The following KIF1A variants were observed in gnomAD, a reference collection of about 807,000 sequenced individuals.
KIF1A encodes the protein kinesin-like protein KIF1A.
Under a neutral mutation model 227.3 loss-of-function variants are expected in KIF1A, and 46 were observed. The observed-to-expected ratio is 0.20, with a 90% CI of 0.16 to 0.26. The LOEUF (loss-of-function observed/expected upper bound fraction) is 0.26. Ranked by LOEUF, KIF1A falls within the 10% of genes least tolerant of loss-of-function variation. The pLI, the probability that KIF1A is intolerant of heterozygous loss-of-function variation, is 1.00. For missense variants in KIF1A, 1,683 were observed against 2,485.9 expected (o/e 0.68, Z 6.87); for synonymous variants, 1,022 against 1,012.8 (o/e 1.01, Z -0.17).
rs150076186 is a variant in KIF1A at position 240,750,565 on chromosome 2, C to T, written c.2859-18G>A. On this transcript the variant is annotated intron_variant, in intron 27 of 48. Coordinates refer to ENST00000498729, the MANE Select transcript of KIF1A (RefSeq NM_001244008.2). ...CGAAGGCCCTGGGGAGAAGCAGAGG[C>T]GGCGGTCATGGGCCACCCCTCCACG... 0.017 allele frequency: 27,497 copies of T among 1,585,566 alleles called. 320 individuals are homozygous for T. Among genetic ancestry groups the T allele is most frequent in the Non-Finnish European group, 0.02 (23,135 of 1,155,070 alleles).
In KIF1A at chr2:240,737,171, G is replaced by A. The variant is rs977172346; in HGVS notation, c.3902-3C>T. On this transcript the variant is annotated splice_region_variant and splice_polypyrimidine_tract_variant and intron_variant, in intron 37 of 48. Coordinates refer to ENST00000498729, the MANE Select transcript of KIF1A (RefSeq NM_001244008.2). ...CTCTGGAGTGTTTCGGATGCGGCCT[G>A]CAGAAAAGGCAACGGGCCACAGGTC... The A allele has an allele frequency of 4.3e-6, 7 of 1,612,468 alleles. No individual in the cohort carries two copies. Among genetic ancestry groups the A allele is most frequent in the Non-Finnish European group, 5.9e-6 (7 of 1,178,734 alleles).
chr2:240,771,737 A>T (rs185337701), intron 14 of KIF1A, among the ~76,000 whole-genome samples: 1 of 152,238 alleles, frequency 6.6e-6, no homozygotes, highest in African/African-American at 2.4e-5. Context: ...CTGACATGGA[A>T]ATTGGCCCAG....
intron 29 of KIF1A, among the ~76,000 whole-genome samples, chr2:240,746,512 G>A (rs989597601): frequency 6.6e-6 from 1 of 152,212 alleles, no homozygotes; most frequent in East Asian, 1.9e-4. Context: ...CAGCAGGTTA[G>A]CTCTCTCCCC....
rs2046053012 is a variant in KIF1A, at chr2:240,726,719, A to G, written c.4122+107T>C. On this transcript the variant is annotated intron_variant, in intron 39 of 48. Coordinates refer to ENST00000498729, the MANE Select transcript of KIF1A (RefSeq NM_001244008.2). This position sits in a 1 kb window ranked among gnomAD's most constrained non-coding sequence, Gnocchi z 5.2. ...CACAAATTTAACCCAGGGACTTGAG[A>G]ACTAGAGAAGTCGTCTGGGTCATAT... The G allele has an allele frequency of 1.9e-6, 1 of 536,888 alleles. No individual in the cohort carries two copies. Among genetic ancestry groups the G allele is most frequent in the Admixed American group, 3.2e-5 (1 of 31,026 alleles). The allele number at this position is 536,888 out of a possible 1,614,324, so 33.3% of individuals were successfully genotyped here.
Position 240,726,875 on chromosome 2 carries a change from A to G in KIF1A, c.4073T>C (p.Val1358Ala), listed in dbSNP as rs1197840580. 6.2e-7 allele frequency: 1 copy of G among 1,612,788 alleles called. No homozygotes were observed. Among genetic ancestry groups the G allele is most frequent in the South Asian group, 1.1e-5 (1 of 90,940 alleles). Residue 1358 changes from valine (V) to alanine (A), a missense_variant, in exon 39 of 49, where the codon GTC (valine) becomes GCC (alanine). Physicochemically the swap from Val to Ala is moderately conservative, Grantham distance 64. Around this residue, in one of 12 missense-constraint regions of KIF1A, gnomAD observed 759 missense variants for 1,020.2 expected, o/e 0.74. Transcript: ENST00000498729. This position sits in a 1 kb window ranked among gnomAD's most constrained non-coding sequence, Gnocchi z 5.2. ...SMHNSLLLNR[V>A]TPYREKIYMT... is the part of the protein sequence containing the mutation. ...GTAGATTTTCTCTCGATAAGGGGTG[A>G]CCCGGTTCAGCAGGAGAGAGTTGTG...
At chr2:240,779,698 A>T (rs1366193316) in intron 10 of KIF1A, among the ~76,000 whole-genome samples, 2 of 145,926 alleles carry the variant, frequency 1.4e-5, no homozygotes, top group African/African-American at 5.3e-5. Flanking sequence ...TCACTTCCTC[A>T]CTCAGTTCCT....
intron 1 of KIF1A, among the ~76,000 whole-genome samples, chr2:240,809,209 T>C (rs1256482619): frequency 2.0e-5 from 3 of 152,240 alleles, no homozygotes; most frequent in Non-Finnish European, 4.4e-5. Context: ...TCAAGTTCTT[T>C]TGTGAATCAT....
chr2:240,787,273 T>C lies in KIF1A; in HGVS notation c.407A>G (p.Asp136Gly), dbSNP rs1482681227. The change falls in exon 5 of 49, where the codon GAC becomes GGC. Residue 136 changes from aspartate to glycine, a missense_variant. By Grantham distance (94) the Asp-to-Gly change is moderately conservative. Coordinates refer to ENST00000498729, the MANE Select transcript of KIF1A (RefSeq NM_001244008.2). ...LFSRINDTTN[D>G]NMSYSVEVSY... is the part of the protein sequence containing the mutation. ...TACCTCCACGGAGTAGGACATGTTG[T>C]CGTTGGTCGTGTCGTTGATCCGAGA... is the stretch of plus-strand genomic sequence containing the variant. 2 of 1,613,104 alleles carry C rather than the reference T, an allele frequency of 1.2e-6. No individual in the cohort carries two copies. Among genetic ancestry groups the C allele is most frequent in the Middle Eastern group, 1.6e-4 (1 of 6,082 alleles).
chr2:240,737,185 G>A lies in KIF1A; in HGVS notation c.3902-17C>T, dbSNP rs758886714. 17 of 1,606,770 alleles carry A rather than the reference G, an allele frequency of 1.1e-5. 1 individual carries two copies. The highest frequency in any genetic ancestry group is 1.7e-4 in the Middle Eastern group (1 of 6,056). On this transcript the variant is annotated splice_polypyrimidine_tract_variant and intron_variant, in intron 37 of 48. Coordinates refer to ENST00000498729, the MANE Select transcript of KIF1A (RefSeq NM_001244008.2). ...GGATGCGGCCTGCAGAAAAGGCAAC[G>A]GGCCACAGGTCACTTCCCAGGGGGC...
rs908931445 is a variant in KIF1A at position 240,792,981 on chromosome 2, C to T, written c.107-3669G>A. Reference sequence around the variant, plus strand: ...AGGGAACATATGCTGTTTAAGACGCCCACTCTGCAGCGCACCTGGACCTCC... The same window carrying T: ...AGGGAACATATGCTGTTTAAGACGCTCACTCTGCAGCGCACCTGGACCTCC... On this transcript the variant is annotated intron_variant, in intron 2 of 48. Transcript: ENST00000498729. This position sits in a 1 kb window ranked among gnomAD's most constrained non-coding sequence, Gnocchi z 4.5. Among the ~76,000 whole-genome samples, 1 of 152,194 alleles carries T rather than the reference C, an allele frequency of 6.6e-6. No homozygotes were observed. The highest frequency in any genetic ancestry group is 1.5e-5 in the Non-Finnish European group (1 of 68,032).
intron 1 of KIF1A, among the ~76,000 whole-genome samples, chr2:240,804,482 A>G (rs2057221043): frequency 6.6e-6 from 1 of 152,244 alleles, no homozygotes; most frequent in African/African-American, 2.4e-5. Context: ...CAACAAAGCT[A>G]CAGGCATTTG....
At chr2:240,782,180 C>A (rs536502065) in intron 10 of KIF1A, 4 of 985,402 alleles carry the variant, frequency 4.1e-6, no homozygotes, top group East Asian at 1.1e-4. Flanking sequence ...CCCGCCTCCC[C>A]CTGTGGCCCC....
intron 8 of KIF1A, 90 bp from the exon 9 acceptor site, chr2:240,783,199 G>C: frequency 1.0e-6 from 1 of 996,350 alleles, no homozygotes; most frequent in Non-Finnish European, 1.6e-6. Context: ...CCTGTGCAGT[G>C]TGGAGTGGAG....
chr2:240,800,278 A>G (rs551318405), intron 1 of KIF1A, among the ~76,000 whole-genome samples: 1 of 152,328 alleles, frequency 6.6e-6, no homozygotes, highest in East Asian at 1.9e-4. Context: ...GGACACAGAG[A>G]AGCCTCTGTT....
In KIF1A at chr2:240,718,895, G is replaced by C. The variant is rs952490090; in HGVS notation, c.5214+111C>G. 18 of 851,252 alleles carry C rather than the reference G, an allele frequency of 2.1e-5. No homozygotes were observed. The African/African-American group carries it at 3.1e-4, about 14-fold the overall frequency. The allele number at this position is 851,252 out of a possible 1,614,324, so 52.7% of individuals were successfully genotyped here. ...GCCTCCGTGGAACAGGACGGAGTCT[G>C]GGGTGAGCAGATGGGCCTCCTGCTC... On this transcript the variant is annotated intron_variant, in intron 47 of 48. Transcript: ENST00000498729.
At position 240,762,825 on chromosome 2, in the gene KIF1A, A is replaced by C; in HGVS notation, c.2023-13T>G. On this transcript the variant is annotated splice_polypyrimidine_tract_variant and intron_variant, in intron 22 of 48. Transcript: ENST00000498729. ...TGCTCTCATAGTCCTGCAGAAAGCAAGGCCTGTGACTCCACTACGGCCCTA... is the reference window on the plus strand; with the variant it reads ...TGCTCTCATAGTCCTGCAGAAAGCACGGCCTGTGACTCCACTACGGCCCTA... The C allele has an allele frequency of 6.4e-7, 1 of 1,574,798 alleles. No individual in the cohort carries two copies. The highest frequency in any genetic ancestry group is 8.7e-7 in the Non-Finnish European group (1 of 1,155,622).
intron 1 of KIF1A, among the ~76,000 whole-genome samples, chr2:240,798,208 T>TGCAATAGC (rs2056617263): frequency 6.6e-6 from 1 of 152,234 alleles, no homozygotes; most frequent in African/African-American, 2.4e-5. Flanking sequence ...CAGATCGACA[T>TGCAATAGC]GTCAAGGACG....
At chr2:240,773,844 T>G (rs112611738) in intron 12 of KIF1A, among the ~76,000 whole-genome samples, 1 of 151,952 alleles carries the variant, frequency 6.6e-6, no homozygotes, top group Non-Finnish European at 1.5e-5. Flanking sequence ...CACACCTATG[T>G]CCCCTCTGCT....
intron 1 of KIF1A, among the ~76,000 whole-genome samples, chr2:240,809,076 T>A (rs2057663009): frequency 6.6e-6 from 1 of 152,212 alleles, no homozygotes. Flanking sequence ...ACTAAAAACA[T>A]TGCGGAAAAT....
Sources: gnomAD v4.1 joint callset for allele counts (sites outside exome capture counted in the v4.1 genomes callset) on GRCh38, gnomAD v4.1.1 for gene constraint, gnomAD v4.1.1 regional missense constraint, Gnocchi (gnomAD v3.1) non-coding constraint, MANE v1.5 for transcripts, NCBI Gene and HGNC (gene_info 2026-07-23, HGNC 2026-07-21) for gene names.